Variants in MAN2A1 observed in about 807,000 individuals in gnomAD.
The protein encoded by MAN2A1 is alpha-mannosidase 2.
In MAN2A1, 76 loss-of-function variants were observed where a neutral mutation model predicts 142.6. That is an observed-to-expected ratio of 0.53 (90% CI 0.44 to 0.65). The LOEUF (loss-of-function observed/expected upper bound fraction) is 0.65. Ranked by LOEUF, MAN2A1 falls within the 30% of genes least tolerant of loss-of-function variation. MAN2A1 has a pLI of 0.00. For synonymous variants in MAN2A1, 559 were observed against 473.2 expected, an observed-to-expected ratio of 1.18 and a Z score of -2.35; for missense variants, 1,311 against 1,365.1, an observed-to-expected ratio of 0.96 and a Z score of 0.62.
intron 18 of MAN2A1, 80 bp downstream of exon 18, chr5:109,846,086 AT>A (rs1755338299): frequency 2.3e-6 from 3 of 1,277,472 alleles, no homozygotes; most frequent in African/African-American, 1.5e-5. Context: ...CAGATGTGGT[AT>A]AATCTCTAGT....
At chr5:109,773,635 TG>T (rs534748423) in intron 7 of MAN2A1, among the ~76,000 whole-genome samples, 4 of 152,186 alleles carry the variant, frequency 2.6e-5, no homozygotes, top group Non-Finnish European at 5.9e-5. Flanking sequence ...AAGGACGCTG[TG>T]GTTATATTTT....
intron 4 of MAN2A1, among the ~76,000 whole-genome samples, chr5:109,754,920 G>A (rs1382670697): frequency 1.3e-5 from 2 of 152,266 alleles, no homozygotes; most frequent in Non-Finnish European, 2.9e-5. Context: ...AGAATCGCTT[G>A]AACCTGGGAG....
At chr5:109,823,410 T>C (rs1196857199) in intron 15 of MAN2A1, among the ~76,000 whole-genome samples, 2 of 152,190 alleles carry the variant, frequency 1.3e-5, no homozygotes, top group African/African-American at 4.8e-5. Flanking sequence ...GTAGAATGAT[T>C]GCTGTTTCTA....
chr5:109,853,126 T>A (rs1755525370), intron 19 of MAN2A1, among the ~76,000 whole-genome samples: 1 of 152,226 alleles, frequency 6.6e-6, no homozygotes, highest in South Asian at 2.1e-4. Context: ...TCAAAATGTC[T>A]TTGAAACTGA....
intron 3 of MAN2A1, 42 bp downstream of exon 3, chr5:109,716,306 C>A (rs1026445082): frequency 4.5e-6 from 7 of 1,551,340 alleles, no homozygotes; most frequent in Non-Finnish European, 5.3e-6. Flanking sequence ...TATTAAGTTT[C>A]TTTAGGCCTA....
intron 3 of MAN2A1, among the ~76,000 whole-genome samples, chr5:109,725,882 C>T (rs1442850070): frequency 6.6e-6 from 1 of 151,826 alleles, no homozygotes; most frequent in African/African-American, 2.4e-5. Flanking sequence ...ATAGAGTTTC[C>T]AGCTTTATTG....
intron 1 of MAN2A1, among the ~76,000 whole-genome samples, chr5:109,695,551 A>G (rs2112537025): frequency 6.6e-6 from 1 of 152,190 alleles, no homozygotes; most frequent in South Asian, 2.1e-4. Context: ...CTTTTTTTGC[A>G]TTCAGGAGTC....
chr5:109,809,083 A>G (rs1754251419), intron 12 of MAN2A1, among the ~76,000 whole-genome samples: 1 of 152,140 alleles, frequency 6.6e-6, no homozygotes, highest in South Asian at 2.1e-4. Flanking sequence ...TTCTGATTAT[A>G]AAATTATAAA....
Position 109,735,975 on chromosome 5 carries a change from A to G in MAN2A1, c.707+6462A>G, listed in dbSNP as rs554814963. ...GGGTATATTTTCTACCAGTACTGGG[A>G]TTAATTAACTACCTCATCCAAAGGG... On this transcript the variant is annotated intron_variant, in intron 4 of 21. Transcript: ENST00000261483. Among the ~76,000 whole-genome samples the G allele has an allele frequency of 7.1e-5, 10 of 140,444 alleles. No individual in the cohort carries two copies. In the East Asian group the frequency reaches 1.6e-3, roughly 23 times the overall value. The allele number at this position is 140,444 out of a possible 152,430, so 92.1% of individuals were successfully genotyped here. A position where few individuals can be genotyped will look rare whatever the true frequency, so the allele number is the denominator to read the frequency against.
chr5:109,693,809 C>T (rs1421635058), intron 1 of MAN2A1, among the ~76,000 whole-genome samples: 6 of 152,172 alleles, frequency 3.9e-5, no homozygotes, highest in African/African-American at 1.4e-4. Flanking sequence ...CTAGAGGCAA[C>T]AGGGGGCCTA....
chr5:109,710,862 G>C (rs1027355016), intron 1 of MAN2A1, among the ~76,000 whole-genome samples: 2 of 152,090 alleles, frequency 1.3e-5, no homozygotes, highest in African/African-American at 4.8e-5. Flanking sequence ...AGCTAATTTT[G>C]TATTTTTAGT....
intron 16 of MAN2A1, among the ~76,000 whole-genome samples, chr5:109,832,926 G>A (rs1479281947): frequency 6.6e-6 from 1 of 151,384 alleles, no homozygotes; most frequent in East Asian, 2.0e-4. Flanking sequence ...GGGCGGCAGG[G>A]CAGAGACGCT....
chr5:109,847,563 C>G, intron 18 of MAN2A1, 94 bp from the exon 19 acceptor site: 1 of 1,113,106 alleles, frequency 9.0e-7, no homozygotes, highest in Non-Finnish European at 1.2e-6. Flanking sequence ...AAATTTAGAG[C>G]AATACATCAT....
chr5:109,855,776 T>C (rs1387189766), intron 20 of MAN2A1, among the ~76,000 whole-genome samples: 2 of 152,194 alleles, frequency 1.3e-5, no homozygotes, highest in Non-Finnish European at 2.9e-5. Context: ...AGAAGAAATA[T>C]TAGAGGAAAA....
At chr5:109,693,166 T>C (rs1022600165) in intron 1 of MAN2A1, among the ~76,000 whole-genome samples, 1 of 143,364 alleles carries the variant, frequency 7.0e-6, no homozygotes, top group Non-Finnish European at 1.5e-5. Flanking sequence ...TTCTGAAACA[T>C]TTACTGCTAG....
chr5:109,797,175 T>G (rs1045887960), intron 12 of MAN2A1, among the ~76,000 whole-genome samples: 1 of 152,088 alleles, frequency 6.6e-6, no homozygotes, highest in Non-Finnish European at 1.5e-5. Flanking sequence ...TACAGACTGA[T>G]TAAAAAATAG....
At chr5:109,703,940 C>G (rs1751058125) in intron 1 of MAN2A1, among the ~76,000 whole-genome samples, 1 of 152,152 alleles carries the variant, frequency 6.6e-6, no homozygotes, top group South Asian at 2.1e-4. Flanking sequence ...TGGTTCTAAT[C>G]TAAACATACA....
intron 7 of MAN2A1, 152 bp downstream of exon 7, chr5:109,770,693 G>T: frequency 2.9e-6 from 2 of 683,988 alleles, no homozygotes; most frequent in Non-Finnish European, 4.9e-6. Context: ...ACTTAAAAAT[G>T]CCAGAGCCTT....
chr5:109,737,567 C>G (rs770286672), intron 4 of MAN2A1, among the ~76,000 whole-genome samples: 2 of 151,836 alleles, frequency 1.3e-5, no homozygotes, highest in Non-Finnish European at 2.9e-5. Flanking sequence ...TTTACAACTA[C>G]TGTTTTTATC....
Sources: gnomAD v4.1 joint callset for allele counts (sites outside exome capture counted in the v4.1 genomes callset) on GRCh38, gnomAD v4.1.1 for gene constraint, MANE v1.5 for transcripts, NCBI Gene and HGNC (gene_info 2026-07-23, HGNC 2026-07-21) for gene names.